ATP11B: variants seen among roughly 807,000 people sequenced by gnomAD.
ATP11B encodes phospholipid-transporting ATPase IF.
ATP11B carries 81 observed loss-of-function variants against 157.8 expected under a neutral mutation model. The observed-to-expected ratio is 0.51, with a 90% CI of 0.43 to 0.62. The LOEUF is 0.62. Among genes scored for constraint, ATP11B ranks in the 20% least tolerant of loss-of-function variants. The pLI is 0.00. For missense variants in ATP11B, 1,165 were observed against 1,402.2 expected (o/e 0.83, Z 2.70); for synonymous variants, 451 against 469.4 (o/e 0.96, Z 0.51).
intron 7 of ATP11B, 98 bp from the exon 8 acceptor site, chr3:182,841,977 C>CAAAAAAAA (rs11401208): frequency 3.0e-5 from 11 of 362,608 alleles, no homozygotes; most frequent in South Asian, 1.0e-4. Context: ...AGACTCGTCT[C>CAAAAAAAA]AAAAAAAAAA....
intron 1 of ATP11B, among the ~76,000 whole-genome samples, chr3:182,799,662 T>G (rs933059485): frequency 6.6e-6 from 1 of 152,214 alleles, no homozygotes; most frequent in African/African-American, 2.4e-5. Context: ...AATTTTAATT[T>G]TTTTATTCTC....
At chr3:182,825,110 C>A (rs530936113) in intron 2 of ATP11B, among the ~76,000 whole-genome samples, 1 of 152,310 alleles carries the variant, frequency 6.6e-6, no homozygotes, top group South Asian at 2.1e-4. Flanking sequence ...TTTTCTATCT[C>A]ACAAAGCCAT....
chr3:182,846,447 T>C (rs1719537109), intron 9 of ATP11B, among the ~76,000 whole-genome samples: 1 of 152,180 alleles, frequency 6.6e-6, no homozygotes, highest in Non-Finnish European at 1.5e-5. Context: ...TATAGAATTA[T>C]ATGACTTAAT....
chr3:182,913,800 TA>T, intron 28 of ATP11B, 60 bp from the exon 29 acceptor site: 2 of 1,612,968 alleles, frequency 1.2e-6, no homozygotes, highest in Non-Finnish European at 1.7e-6. Flanking sequence ...TGTAATGTTC[TA>T]ATGCTTTTCA....
chr3:182,832,954 T>A (rs1257683063), intron 4 of ATP11B, among the ~76,000 whole-genome samples: 1 of 152,010 alleles, frequency 6.6e-6, no homozygotes, highest in East Asian at 1.9e-4. Context: ...TTATTATTTT[T>A]AAATAAATTT....
chr3:182,821,786 CAA>C (rs1717365082), intron 2 of ATP11B, among the ~76,000 whole-genome samples: 1 of 152,160 alleles, frequency 6.6e-6, no homozygotes, highest in Non-Finnish European at 1.5e-5. Flanking sequence ...GGATATGAGT[CAA>C]AGAGACTGAG....
At chr3:182,902,079 C>T (rs1011913067) in intron 28 of ATP11B, among the ~76,000 whole-genome samples, 1 of 151,998 alleles carries the variant, frequency 6.6e-6, no homozygotes, top group Non-Finnish European at 1.5e-5. Flanking sequence ...CATTGAAATC[C>T]TGTATGTAAC....
At chr3:182,877,529 C>T (rs1039797628) in intron 19 of ATP11B, among the ~76,000 whole-genome samples, 1 of 152,098 alleles carries the variant, frequency 6.6e-6, no homozygotes, top group Admixed American at 6.6e-5. Context: ...GCAGTCCCAG[C>T]GTCTTGGGAG....
intron 20 of ATP11B, 68 bp from the exon 21 acceptor site, chr3:182,880,811 T>C: frequency 1.1e-6 from 1 of 908,134 alleles, no homozygotes; most frequent in Non-Finnish European, 1.7e-6. Flanking sequence ...TCATTTCAGA[T>C]AAATGACTAT....
chr3:182,857,563 TAA>T (rs35003893), intron 10 of ATP11B, among the ~76,000 whole-genome samples: 1 of 144,180 alleles, frequency 6.9e-6, no homozygotes, highest in African/African-American at 2.7e-5. Context: ...GCTGAAAATG[TAA>T]AAAAAAAAAA....
Position 182,842,117 on chromosome 3 carries a change from TGTAAG to T in ATP11B, c.704+1_704+5del. The T allele has an allele frequency of 1.2e-6, 2 of 1,603,306 alleles. No individual in the cohort carries two copies. The highest frequency in any genetic ancestry group is 1.7e-6 in the Non-Finnish European group (2 of 1,171,248). ...TCATAACCCAACAAATGGAAGAAATTGTAAGGTAAGAATTAATTTGTGTTATCTAA... is the reference window on the plus strand; with the variant it reads ...TCATAACCCAACAAATGGAAGAAATTGTAAGAATTAATTTGTGTTATCTAA... On this transcript the variant is annotated frameshift_variant and splice_region_variant, in exon 8 of 30. Transcript: ENST00000323116. LOFTEE classifies it high-confidence loss of function.
Position 182,918,707 on chromosome 3 carries a change from G to A in ATP11B, c.*603G>A, listed in dbSNP as rs1725287710. 4.5e-6 allele frequency: 1 copy of A among 219,814 alleles called. No homozygotes were observed. The highest frequency in any genetic ancestry group is 2.3e-5 in the African/African-American group (1 of 44,282). The allele number at this position is 219,814 out of a possible 1,614,324, so 13.6% of individuals were successfully genotyped here. On this transcript the variant is annotated 3_prime_UTR_variant, in exon 30 of 30. Coordinates refer to ENST00000323116, the MANE Select transcript of ATP11B (RefSeq NM_014616.3). ...CAACCATTATTTACTGCAGTATGGGGAGTAAATTTATACCAATTCCTCTAA... is the reference window on the plus strand; with the variant it reads ...CAACCATTATTTACTGCAGTATGGGAAGTAAATTTATACCAATTCCTCTAA...
chr3:182,889,491 C>A lies in ATP11B; in HGVS notation c.2925C>A (p.Phe975Leu). 7 of 1,570,448 alleles carry A rather than the reference C, an allele frequency of 4.5e-6. No individual in the cohort carries two copies. The highest frequency in any genetic ancestry group is 6.0e-6 in the Non-Finnish European group (7 of 1,165,210). The change falls in exon 25 of 30, where the codon TTC (phenylalanine) becomes TTA (leucine). Residue 975 changes from phenylalanine to leucine, a missense_variant. Transcript: ENST00000323116. ...TGGGCTTCAGTCATGCCTTTATTTT[C>A]TTTTTTGGATCCTATTTACTAATAG... ...TILGFSHAFI[F>L]FFGSYLLIGK...
chr3:182,837,359 A>G (rs910498886), intron 7 of ATP11B, among the ~76,000 whole-genome samples, 185 bp downstream of exon 7: 4 of 152,180 alleles, frequency 2.6e-5, no homozygotes, highest in African/African-American at 4.8e-5. Flanking sequence ...TAAGCAAAAG[A>G]TAATAGTTCA....
chr3:182,890,820 CAGAG>C (rs946550003), intron 25 of ATP11B, among the ~76,000 whole-genome samples: 1 of 152,110 alleles, frequency 6.6e-6, no homozygotes, highest in African/African-American at 2.4e-5. Context: ...AAATTAACCT[CAGAG>C]AGGTTAAGAA....
intron 28 of ATP11B, among the ~76,000 whole-genome samples, chr3:182,909,736 G>A (rs1237595826): frequency 6.6e-6 from 1 of 152,120 alleles, no homozygotes; most frequent in Non-Finnish European, 1.5e-5. Flanking sequence ...TCTATAGATA[G>A]CTTTACAGAA....
intron 2 of ATP11B, among the ~76,000 whole-genome samples, chr3:182,821,272 C>A (rs1428920685): frequency 6.6e-6 from 1 of 152,080 alleles, no homozygotes; most frequent in Non-Finnish European, 1.5e-5. Flanking sequence ...CCATGCCCAG[C>A]TAATTTTTGT....
intron 1 of ATP11B, among the ~76,000 whole-genome samples, chr3:182,804,654 C>T (rs1716214791): frequency 6.6e-6 from 1 of 152,146 alleles, no homozygotes; most frequent in South Asian, 2.1e-4. Context: ...TACAATTTAC[C>T]CTTATAAAGT....
chr3:182,844,716 T>C (rs489002), intron 8 of ATP11B: 126,735 of 175,346 alleles, frequency 0.72, 46,376 homozygotes, highest in Non-Finnish European at 0.78. Flanking sequence ...AATCATACTA[T>C]AGTTTATGTT....
Sources: gnomAD v4.1 joint callset for allele counts (sites outside exome capture counted in the v4.1 genomes callset) on GRCh38, gnomAD v4.1.1 for gene constraint, MANE v1.5 for transcripts, NCBI Gene and HGNC (gene_info 2026-07-23, HGNC 2026-07-21) for gene names.